Variants in SPATA17 observed in about 807,000 individuals in gnomAD.
SPATA17 encodes the protein spermatogenesis associated 17, also known as spermatogenesis-associated protein 17.
A neutral mutation model predicts 62.2 loss-of-function variants in SPATA17; 53 were observed. The observed-to-expected ratio is 0.85, with a 90% CI of 0.68 to 1.07. SPATA17 has a LOEUF of 1.07. Ranked by LOEUF, SPATA17 falls within the 50% of genes least tolerant of loss-of-function variation. The pLI is 0.00. For synonymous variants in SPATA17, 146 were observed against 146.8 expected (o/e 0.99, Z 0.04); for missense variants, 466 against 425.5 (o/e 1.10, Z -0.84).
chr1:217,689,392 A>C (rs1671297441), intron 5 of SPATA17, among the ~76,000 whole-genome samples: 2 of 151,590 alleles, frequency 1.3e-5, no homozygotes, highest in Admixed American at 1.3e-4. Flanking sequence ...CGCCCGGCTA[A>C]TTTTCATATT....
chr1:217,772,733 G>A (rs1283325179), intron 6 of SPATA17, among the ~76,000 whole-genome samples: 1 of 152,288 alleles, frequency 6.6e-6, no homozygotes, highest in East Asian at 1.9e-4. Flanking sequence ...TGCCTACTAA[G>A]TGCCATGTAC....
chr1:217,811,257 C>T (rs1674579503), intron 9 of SPATA17, among the ~76,000 whole-genome samples: 1 of 152,198 alleles, frequency 6.6e-6, no homozygotes, highest in South Asian at 2.1e-4. Flanking sequence ...TGGTCTCGAA[C>T]TCCTGGCTCG....
chr1:217,702,412 T>C (rs1172216088), intron 5 of SPATA17, among the ~76,000 whole-genome samples: 1 of 152,194 alleles, frequency 6.6e-6, no homozygotes, highest in African/African-American at 2.4e-5. Context: ...GGAAGGTATA[T>C]AATCCAAATT....
chr1:217,831,576 T>C (rs1325778670), intron 9 of SPATA17, among the ~76,000 whole-genome samples: 1 of 152,166 alleles, frequency 6.6e-6, no homozygotes, highest in African/African-American at 2.4e-5. Flanking sequence ...TCAAATCCCT[T>C]TATAAAAAGG....
chr1:217,730,831 A>G (rs1206612625), intron 5 of SPATA17, among the ~76,000 whole-genome samples: 1 of 152,138 alleles, frequency 6.6e-6, no homozygotes, highest in African/African-American at 2.4e-5. Context: ...GCTATTTTTC[A>G]TATTGCCGAT....
At chr1:217,752,456 T>C (rs1333551342) in intron 6 of SPATA17, among the ~76,000 whole-genome samples, 1 of 152,210 alleles carries the variant, frequency 6.6e-6, no homozygotes, top group Non-Finnish European at 1.5e-5. Context: ...AACAGCTCTA[T>C]GGCATTTGTT....
chr1:217,805,803 C>A (rs1304616878), intron 9 of SPATA17, among the ~76,000 whole-genome samples: 1 of 152,146 alleles, frequency 6.6e-6, no homozygotes, highest in Non-Finnish European at 1.5e-5. Context: ...CATGTATTGG[C>A]AAGGATATGC....
intron 9 of SPATA17, among the ~76,000 whole-genome samples, chr1:217,810,056 G>C (rs918998413): frequency 1.1e-4 from 16 of 152,104 alleles, no homozygotes; most frequent in African/African-American, 3.6e-4. Context: ...AGCTGCTTCA[G>C]AGTAAGACAT....
chr1:217,694,434 G>C (rs61827795), intron 5 of SPATA17, among the ~76,000 whole-genome samples: 21,535 of 137,338 alleles, frequency 0.16, 1,798 homozygotes, highest in African/African-American at 0.24. Flanking sequence ...GATGGGTCTT[G>C]ACTCTTTATC....
At chr1:217,775,070 A>G (rs1571797565) in intron 7 of SPATA17, among the ~76,000 whole-genome samples, 1 of 152,206 alleles carries the variant, frequency 6.6e-6, no homozygotes, top group East Asian at 1.9e-4. Context: ...AGAAACTGCC[A>G]TACTGTTTCT....
chr1:217,674,826 C>A (rs1385802984), intron 4 of SPATA17, among the ~76,000 whole-genome samples: 1 of 152,184 alleles, frequency 6.6e-6, no homozygotes. Context: ...TGAAAGTGGT[C>A]TCTCACCTGA....
At chr1:217,701,576 G>A (rs548165574) in intron 5 of SPATA17, among the ~76,000 whole-genome samples, 3 of 151,208 alleles carry the variant, frequency 2.0e-5, no homozygotes, top group African/African-American at 2.4e-5. Flanking sequence ...TAGTAGAGAC[G>A]GGGTTTCGCC....
At chr1:217,708,324 G>A (rs1013233719) in intron 5 of SPATA17, among the ~76,000 whole-genome samples, 1 of 152,108 alleles carries the variant, frequency 6.6e-6, no homozygotes, top group Non-Finnish European at 1.5e-5. Flanking sequence ...ACGAGAAAAA[G>A]AGAGAAGATA....
rs558997020 is a variant in SPATA17 at position 217,868,541 on chromosome 1, T to C, written c.*1522T>C. 6.6e-6 allele frequency: 1 copy of C among 152,158 alleles called. No individual in the cohort carries two copies. Among genetic ancestry groups the C allele is most frequent in the East Asian group, 1.9e-4 (1 of 5,170 alleles). 9.4% of individuals were successfully genotyped at this position (152,158 alleles called of 1,614,324 possible). On this transcript the variant is annotated 3_prime_UTR_variant, in exon 11 of 11. Coordinates refer to ENST00000366933, the MANE Select transcript of SPATA17 (RefSeq NM_138796.4). ...ATCTAACACAAAGCCTATTTTATAATATTGAACAGCCCATGTAATTTATTG... is the reference window on the plus strand; with the variant it reads ...ATCTAACACAAAGCCTATTTTATAACATTGAACAGCCCATGTAATTTATTG...
At chr1:217,645,643 T>C (rs1670164012) in intron 1 of SPATA17, among the ~76,000 whole-genome samples, 1 of 152,182 alleles carries the variant, frequency 6.6e-6, no homozygotes, top group African/African-American at 2.4e-5. Flanking sequence ...CACATTAGCT[T>C]TATTGAATGA....
At chr1:217,748,619 C>T (rs1247854260) in intron 6 of SPATA17, among the ~76,000 whole-genome samples, 2 of 151,396 alleles carry the variant, frequency 1.3e-5, no homozygotes, top group Non-Finnish European at 2.9e-5. Context: ...GTGGCGGGCG[C>T]CTGTAATCCC....
At chr1:217,670,882 C>T (rs1294600426) in intron 4 of SPATA17, among the ~76,000 whole-genome samples, 5 of 141,530 alleles carry the variant, frequency 3.5e-5, no homozygotes, top group Admixed American at 2.2e-4. Context: ...GCCCAGAAGG[C>T]GGAAGTGGCA....
chr1:217,677,069 T>C (rs1278755097), intron 4 of SPATA17, among the ~76,000 whole-genome samples: 1 of 152,116 alleles, frequency 6.6e-6, no homozygotes, highest in Admixed American at 6.6e-5. Flanking sequence ...TTTGTTCAGA[T>C]TGAAATGCTC....
chr1:217,814,890 A>G (rs189097640), intron 9 of SPATA17, among the ~76,000 whole-genome samples: 15 of 152,272 alleles, frequency 9.9e-5, no homozygotes, highest in African/African-American at 3.1e-4. Context: ...CTAAAAATTC[A>G]ACATATGCTA....
Sources: gnomAD v4.1 joint callset for allele counts (sites outside exome capture counted in the v4.1 genomes callset) on GRCh38, gnomAD v4.1.1 for gene constraint, MANE v1.5 for transcripts, NCBI Gene and HGNC (gene_info 2026-07-23, HGNC 2026-07-21) for gene names.